SCGB2B2: variants seen among roughly 807,000 people sequenced by gnomAD.
SCGB2B2 encodes the protein secretoglobin family 2B member 2.
Under a neutral mutation model 7.6 loss-of-function variants are expected in SCGB2B2, and 11 were observed. The observed-to-expected ratio is 1.45, with a 90% CI of 0.91 to 2.40. The LOEUF is 2.40. SCGB2B2 is among the 30% of genes most tolerant of loss of function. The probability of loss-of-function intolerance (pLI) is 0.00; values close to 1 mark genes in which losing one functional copy is unlikely to be tolerated. For missense variants in SCGB2B2, 104 were observed against 115.4 expected (o/e 0.90, Z 0.45); for synonymous variants, 50 against 48.6 (o/e 1.03, Z -0.12).
intron 1 of SCGB2B2, among the ~76,000 whole-genome samples, chr19:34,614,008 T>G (rs2145856523): frequency 6.6e-6 from 1 of 152,368 alleles, no homozygotes; most frequent in African/African-American, 2.4e-5. Flanking sequence ...ACTGGCAATT[T>G]CTTTATATGT....
chr19:34,627,378 G>C (rs565955526), intron 1 of SCGB2B2, among the ~76,000 whole-genome samples: 2 of 152,278 alleles, frequency 1.3e-5, no homozygotes, highest in South Asian at 4.1e-4. Flanking sequence ...CATGTGCAGA[G>C]ACACACATAG....
chr19:34,604,981 ATC>A (rs1248393246), intron 1 of SCGB2B2, among the ~76,000 whole-genome samples: 1 of 152,240 alleles, frequency 6.6e-6, no homozygotes, highest in Non-Finnish European at 1.5e-5. Flanking sequence ...GAACAGATTC[ATC>A]TCTTATGAAA....
chr19:34,639,370 T>G lies in SCGB2B2; in HGVS notation c.-2032+36260A>C, dbSNP rs142476018. Among the ~76,000 whole-genome samples the G allele has an allele frequency of 2.0e-3, 301 of 152,264 alleles. 1 individual carries two copies. The highest frequency in any genetic ancestry group is 3.4e-3 in the Middle Eastern group (1 of 294). On this transcript the variant is annotated intron_variant, in intron 1 of 3. Coordinates refer to ENST00000601241, the MANE Select transcript of SCGB2B2 (RefSeq NM_001025591.4). ...TTGCTGGAAACAATATCCTAACCTTTCCAATTAGTAACCTAATCACTACCA... is the reference window on the plus strand; with the variant it reads ...TTGCTGGAAACAATATCCTAACCTTGCCAATTAGTAACCTAATCACTACCA...
chr19:34,626,559 A>G (rs1408241475), intron 1 of SCGB2B2, among the ~76,000 whole-genome samples: 2 of 152,224 alleles, frequency 1.3e-5, no homozygotes, highest in African/African-American at 4.8e-5. Context: ...GTTTAGAGAA[A>G]AAAGAATAAA....
Position 34,676,213 on chromosome 19 carries a change from T to C in SCGB2B2, c.-2615A>G, listed in dbSNP as rs1161415422. ...CCTTTAGCTAGACACAGAGCACTGA[T>C]TGGTGTATTTACAATCCTTCAGCTA... On this transcript the variant is annotated 5_prime_UTR_variant, in exon 1 of 4. Coordinates refer to ENST00000601241, the MANE Select transcript of SCGB2B2 (RefSeq NM_001025591.4). 1.3e-5 allele frequency: 2 copies of C among 152,206 alleles called. No individual in the cohort carries two copies. The highest frequency in any genetic ancestry group is 2.4e-5 in the African/African-American group (1 of 41,460). 9.4% of individuals were successfully genotyped at this position (152,206 alleles called of 1,614,324 possible).
Position 34,598,535 on chromosome 19 carries a change from G to A in SCGB2B2, c.-2031-1941C>T, listed in dbSNP as rs545579686. Among the ~76,000 whole-genome samples, 174 of 152,268 alleles carry A rather than the reference G, an allele frequency of 1.1e-3. 1 individual carries two copies. The highest frequency in any genetic ancestry group is 4.0e-3 in the African/African-American group (165 of 41,558). On this transcript the variant is annotated intron_variant, in intron 1 of 3. Transcript: ENST00000601241. Reference sequence around the variant, plus strand: ...GAGGATTTTTGGACACCTCAGCCAGGCTTTTGGGGTGGTGGGGTCTGGACC... The same window carrying A: ...GAGGATTTTTGGACACCTCAGCCAGACTTTTGGGGTGGTGGGGTCTGGACC...
At chr19:34,675,031 T>C (rs1203718490) in intron 1 of SCGB2B2, among the ~76,000 whole-genome samples, 2 of 152,186 alleles carry the variant, frequency 1.3e-5, no homozygotes, top group Non-Finnish European at 2.9e-5. Flanking sequence ...GAGAAGGGAA[T>C]ACTAAGACCA....
chr19:34,613,206 C>A (rs1270267), intron 1 of SCGB2B2, among the ~76,000 whole-genome samples: 127,994 of 151,838 alleles, frequency 0.84, 54,723 homozygotes, highest in African/African-American at 0.91. Context: ...TCAAGTGATT[C>A]TCCTGCCTTA....
chr19:34,594,021 TG>T (rs1190946520), intron 3 of SCGB2B2, among the ~76,000 whole-genome samples, 153 bp downstream of exon 3: 1 of 151,970 alleles, frequency 6.6e-6, no homozygotes, highest in Non-Finnish European at 1.5e-5. Context: ...AGGGCCCTGT[TG>T]GGGCAGGTGG....
At chr19:34,614,305 CTT>C (rs1247451478) in intron 1 of SCGB2B2, among the ~76,000 whole-genome samples, 2 of 151,776 alleles carry the variant, frequency 1.3e-5, no homozygotes, top group East Asian at 1.9e-4. Context: ...GTTTTTCACT[CTT>C]ATATCTTAAT....
chr19:34,590,256 G>A (rs1229034195), downstream of SCGB2B2, among the ~76,000 whole-genome samples: 1 of 152,162 alleles, frequency 6.6e-6, no homozygotes, highest in African/African-American at 2.4e-5. Flanking sequence ...ACAGGGCCTG[G>A]AGGAGGTCCC....
intron 1 of SCGB2B2, chr19:34,646,077 C>T: frequency 4.2e-6 from 1 of 237,888 alleles, no homozygotes; most frequent in Non-Finnish European, 8.4e-6. Flanking sequence ...GTAAGTGTGC[C>T]CTGGGGAACC....
intron 1 of SCGB2B2, among the ~76,000 whole-genome samples, chr19:34,638,958 C>T (rs1260834021): frequency 1.3e-5 from 2 of 152,164 alleles, no homozygotes; most frequent in African/African-American, 4.8e-5. Flanking sequence ...TCAAAGGGAC[C>T]TCTGCAGACT....
intron 1 of SCGB2B2, among the ~76,000 whole-genome samples, chr19:34,650,432 T>C (rs576012011): frequency 6.6e-6 from 1 of 151,256 alleles, no homozygotes; most frequent in Admixed American, 6.6e-5. Context: ...CAGGGTTGAT[T>C]TTCCATGGTT....
chr19:34,599,484 G>A (rs762825140), intron 1 of SCGB2B2, among the ~76,000 whole-genome samples: 7 of 152,188 alleles, frequency 4.6e-5, no homozygotes, highest in South Asian at 2.1e-4. Context: ...CTCACATGGC[G>A]GCAGCAAGAG....
chr19:34,586,078 C>T (rs1260202723), downstream of SCGB2B2, among the ~76,000 whole-genome samples: 1 of 152,102 alleles, frequency 6.6e-6, no homozygotes, highest in African/African-American at 2.4e-5. Flanking sequence ...CACTATCCTC[C>T]TAGCTTGATG....
At chr19:34,635,395 T>A in intron 1 of SCGB2B2, 48 of 295,788 alleles carry the variant, frequency 1.6e-4, no homozygotes, top group Admixed American at 4.0e-4. Flanking sequence ...ACAAGGTGGG[T>A]GCTTCTGCTG....
At chr19:34,623,204 T>C (rs1024342075) in intron 1 of SCGB2B2, among the ~76,000 whole-genome samples, 9 of 152,172 alleles carry the variant, frequency 5.9e-5, no homozygotes, top group African/African-American at 1.9e-4. Flanking sequence ...GGGTTTGATT[T>C]AAGAGTAACC....
At chr19:34,670,067 G>A (rs2067762329) in intron 1 of SCGB2B2, among the ~76,000 whole-genome samples, 1 of 152,114 alleles carries the variant, frequency 6.6e-6, no homozygotes, top group African/African-American at 2.4e-5. Context: ...TTCAGTGCAG[G>A]GGAGATATTG....
Sources: gnomAD v4.1 joint callset for allele counts (sites outside exome capture counted in the v4.1 genomes callset) on GRCh38, gnomAD v4.1.1 for gene constraint, MANE v1.5 for transcripts, NCBI Gene and HGNC (gene_info 2026-07-23, HGNC 2026-07-21) for gene names.